Variants in RABGAP1 observed in about 807,000 individuals in gnomAD.
RABGAP1 encodes rab GTPase-activating protein 1.
In RABGAP1, 23 loss-of-function variants were observed where a neutral mutation model predicts 137.6. That is an observed-to-expected ratio of 0.17 (90% CI 0.12 to 0.24). RABGAP1 has a LOEUF of 0.24. Among genes scored for constraint, RABGAP1 ranks in the 10% least tolerant of loss-of-function variants. The pLI, the probability that RABGAP1 is intolerant of heterozygous loss-of-function variation, is 1.00. For synonymous variants in RABGAP1, 451 were observed against 450.7 expected (o/e 1.00, Z -0.01); for missense variants, 906 against 1,275.8 (o/e 0.71, Z 4.42).
At chr9:122,980,786 C>T (rs571064159) in intron 2 of RABGAP1, among the ~76,000 whole-genome samples, 26 of 152,290 alleles carry the variant, frequency 1.7e-4, no homozygotes, top group Non-Finnish European at 2.9e-4. Context: ...CAGTGATTTT[C>T]AAACTTTGTT....
chr9:123,001,291 A>G (rs1194449399), intron 10 of RABGAP1, among the ~76,000 whole-genome samples: 2 of 152,208 alleles, frequency 1.3e-5, no homozygotes, highest in Admixed American at 1.3e-4. Flanking sequence ...GACTTATCCC[A>G]AGTACCTGGA....
intron 19 of RABGAP1, 135 bp from the exon 20 acceptor site, chr9:123,089,623 C>CAA (rs1267325857): frequency 1.5e-6 from 1 of 669,492 alleles, no homozygotes; most frequent in Non-Finnish European, 2.5e-6. Context: ...GATTTCCCTC[C>CAA]AAAAAAATAG....
chr9:123,052,592 A>G (rs906198163), intron 13 of RABGAP1, among the ~76,000 whole-genome samples: 1 of 152,222 alleles, frequency 6.6e-6, no homozygotes, highest in African/African-American at 2.4e-5. Flanking sequence ...TCTAGTGAAT[A>G]TGTTTAAAAC....
intron 13 of RABGAP1, among the ~76,000 whole-genome samples, chr9:123,055,468 G>A (rs1414216063): frequency 1.3e-5 from 2 of 151,760 alleles, no homozygotes; most frequent in African/African-American, 4.8e-5. Flanking sequence ...CTTGGTTCAC[G>A]CAGTCCTCCT....
At chr9:123,006,849 T>G (rs1218431002) in intron 10 of RABGAP1, among the ~76,000 whole-genome samples, 1 of 152,124 alleles carries the variant, frequency 6.6e-6, no homozygotes. Context: ...CCTCAGGTGA[T>G]CCACCCGCCT....
chr9:123,047,389 G>A (rs2033253239), intron 13 of RABGAP1, among the ~76,000 whole-genome samples: 1 of 152,124 alleles, frequency 6.6e-6, no homozygotes, highest in Non-Finnish European at 1.5e-5. Context: ...AACTTTTAAA[G>A]TAGCTGTTTT....
chr9:122,964,034 T>C (rs1248351638), intron 2 of RABGAP1, among the ~76,000 whole-genome samples: 1 of 152,112 alleles, frequency 6.6e-6, no homozygotes, highest in East Asian at 1.9e-4. Flanking sequence ...ACTGATAAAA[T>C]AGTCTGAACA....
intron 13 of RABGAP1, chr9:123,034,682 C>T (rs1404828426): frequency 1.2e-6 from 2 of 1,612,564 alleles, no homozygotes; most frequent in African/African-American, 2.7e-5. Flanking sequence ...GTCTTTCTAA[C>T]TGTATTGATT....
chr9:122,998,774 A>C lies in RABGAP1; in HGVS notation c.1374+8A>C, dbSNP rs927376489. ...TTTTTGAAACTAAAACAGGTACTGT[A>C]TTTTTCTATTAATATAGAAGGGGGA... On this transcript the variant is annotated splice_region_variant and intron_variant, in intron 10 of 25. Coordinates refer to ENST00000373647, the MANE Select transcript of RABGAP1 (RefSeq NM_012197.4). 2 of 1,529,074 alleles carry C rather than the reference A, an allele frequency of 1.3e-6. No individual in the cohort carries two copies. Among genetic ancestry groups the C allele is most frequent in the African/African-American group, 2.7e-5 (2 of 72,830 alleles). The allele number at this position is 1,529,074 out of a possible 1,614,324, so 94.7% of individuals were successfully genotyped here.
At chr9:122,977,743 C>G (rs1835838698) in intron 2 of RABGAP1, among the ~76,000 whole-genome samples, 1 of 151,820 alleles carries the variant, frequency 6.6e-6, no homozygotes, top group African/African-American at 2.4e-5. Context: ...GGATCAGTGG[C>G]TTAAGTTTTG....
intron 13 of RABGAP1, among the ~76,000 whole-genome samples, chr9:123,036,101 T>C (rs2032644048): frequency 6.6e-6 from 1 of 152,258 alleles, no homozygotes; most frequent in Non-Finnish European, 1.5e-5. Context: ...TTACTTTTTA[T>C]GTATGCCAAA....
rs1833680830 is a variant in RABGAP1 at position 122,942,918 on chromosome 9, G to A, written c.-50+1825G>A. Reference sequence around the variant, plus strand: ...CCCAACACTTTGGGAGTCTGAGGTGGGAGGACTACTTGAGTTGAGAAGTTC... The same window carrying A: ...CCCAACACTTTGGGAGTCTGAGGTGAGAGGACTACTTGAGTTGAGAAGTTC... On this transcript the variant is annotated intron_variant, in intron 1 of 25. Transcript: ENST00000373647. Among the ~76,000 whole-genome samples, 3 of 152,070 alleles carry A rather than the reference G, an allele frequency of 2.0e-5. 1 individual carries two copies. In the South Asian group the frequency reaches 6.2e-4, roughly 32 times the overall value.
At chr9:122,984,931 A>C (rs1298572809) in intron 3 of RABGAP1, among the ~76,000 whole-genome samples, 2 of 152,120 alleles carry the variant, frequency 1.3e-5, no homozygotes, top group Admixed American at 6.5e-5. Flanking sequence ...AATGTATTTC[A>C]CTTGTACCAA....
chr9:123,068,348 CAAA>C (rs998962006), intron 14 of RABGAP1, among the ~76,000 whole-genome samples: 5 of 66,516 alleles, frequency 7.5e-5, no homozygotes, highest in Non-Finnish European at 7.7e-5. Flanking sequence ...GACTCCATCT[CAAA>C]AAAAAAAAAA....
intron 20 of RABGAP1, 57 bp downstream of exon 20, chr9:123,089,907 T>C (rs1395084078): frequency 1.4e-6 from 2 of 1,433,650 alleles, no homozygotes; most frequent in African/African-American, 1.4e-5. Context: ...TTCATATGAT[T>C]GCGCCTGTAA....
Position 123,076,715 on chromosome 9 carries a change from T to G in RABGAP1, c.2377T>G (p.Ser793Ala). Residue 793 changes from serine (S) to alanine (A), a missense_variant, in exon 19 of 26, where the codon TCA (serine) becomes GCA (alanine). Around this residue, in one of 9 missense-constraint regions of RABGAP1, gnomAD observed 77 missense variants for 105.6 expected, o/e 0.73. Transcript: ENST00000373647. The part of the protein sequence containing the change: ...FRVQLPKRYR[S>A]EENAKKLMEL... ...GGTTCAGCTTCCTAAGAGATACCGC[T>G]CAGAAGAAAATGCAAAAAAACTAAT... 1 of 1,605,464 alleles carries G rather than the reference T, an allele frequency of 6.2e-7. No individual in the cohort carries two copies. The highest frequency in any genetic ancestry group is 8.5e-7 in the Non-Finnish European group (1 of 1,175,754).
intron 7 of RABGAP1, 72 bp from the exon 8 acceptor site, chr9:122,996,467 T>A: frequency 1.4e-6 from 2 of 1,412,630 alleles, no homozygotes; most frequent in Non-Finnish European, 1.9e-6. Flanking sequence ...AATTTGTTTT[T>A]AAAGTGGCCT....
chr9:123,003,260 G>A (rs2029892595), intron 10 of RABGAP1, among the ~76,000 whole-genome samples: 1 of 152,156 alleles, frequency 6.6e-6, no homozygotes, highest in Non-Finnish European at 1.5e-5. Context: ...AGGATAAATA[G>A]TATTTTCACT....
intron 12 of RABGAP1, among the ~76,000 whole-genome samples, chr9:123,015,978 A>G (rs572112780): frequency 6.6e-6 from 1 of 152,286 alleles, no homozygotes; most frequent in South Asian, 2.1e-4. Flanking sequence ...GTGTTCACAC[A>G]ATGCATAGAG....
Sources: allele counts gnomAD v4.1 joint callset (sites outside exome capture counted in the v4.1 genomes callset), GRCh38; gene constraint gnomAD v4.1.1; regional missense constraint gnomAD v4.1.1; transcripts MANE v1.5; gene names NCBI Gene and HGNC (gene_info 2026-07-23, HGNC 2026-07-21).